Variants in GHSR observed in about 807,000 individuals in gnomAD.
The protein encoded by GHSR is growth hormone secretagogue receptor, also known as growth hormone secretagogue receptor type 1.
Under a neutral mutation model 24.0 loss-of-function variants are expected in GHSR, and 17 were observed. That is an observed-to-expected ratio of 0.71 (90% confidence interval 0.49 to 1.06). The LOEUF (loss-of-function observed/expected upper bound fraction) is 1.06, where lower values mean the gene tolerates loss of function less well. GHSR is among the 50% of genes least tolerant of loss of function. GHSR has a pLI of 0.00. For synonymous variants in GHSR, 238 were observed against 208.1 expected (o/e 1.14, Z -1.24); for missense variants, 504 against 483.1 (o/e 1.04, Z -0.41).
chr3:172,445,124 G>A lies in GHSR; in HGVS notation c.*37C>T, dbSNP rs769690274. 6.2e-7 allele frequency: 1 copy of A among 1,609,158 alleles called. No individual in the cohort carries two copies. The highest frequency in any genetic ancestry group is 8.5e-7 in the Non-Finnish European group (1 of 1,175,908). On this transcript the variant is annotated 3_prime_UTR_variant, in exon 2 of 2. Coordinates refer to ENST00000241256, the MANE Select transcript of GHSR (RefSeq NM_198407.2). ...CTGCTGTGCTATGTCTTCCGGTTTA[G>A]AGTAATAAGCGGTGACTGTACTCGC...
chr3:172,448,010 G>A lies in GHSR; in HGVS notation c.404C>T (p.Thr135Ile). 6.2e-7 allele frequency: 1 copy of A among 1,614,208 alleles called. No individual in the cohort carries two copies. The highest frequency in any genetic ancestry group is 8.5e-7 in the Non-Finnish European group (1 of 1,180,038). The stretch of plus-strand genomic sequence containing the variant: ...GAAGTAGCGCTCGACGCTCAGCGCT[G>A]TGATGGTGAGCACCGTGGCGTAGGT... ...SCTYATVLTI[T>I]ALSVERYFAI... Residue 135 changes from threonine to isoleucine, a missense_variant, in exon 1 of 2, where the codon ACA becomes ATA. Transcript: ENST00000241256. The surrounding 1 kb of genome is among the most constrained non-coding windows in gnomAD (Gnocchi z 4.8).
rs554362985 is a variant in GHSR at position 172,443,899 on chromosome 3, A to G, written c.*1262T>C. On this transcript the variant is annotated 3_prime_UTR_variant, in exon 2 of 2. Transcript: ENST00000241256. Reference sequence around the variant, plus strand: ...AGATTTTTGAAAGTTTTTAATATCAATAAGCAGTAGCATTTAGGGGATTCT... The same window carrying G: ...AGATTTTTGAAAGTTTTTAATATCAGTAAGCAGTAGCATTTAGGGGATTCT... Among the ~76,000 whole-genome samples the G allele has an allele frequency of 1.1e-4, 16 of 152,322 alleles. No individual in the cohort carries two copies. The South Asian group carries it at 2.5e-3, about 24-fold the overall frequency.
In GHSR at chr3:172,445,436, A is replaced by C; in HGVS notation, c.826T>G (p.Trp276Gly). The change falls in exon 2 of 2, where the codon TGG becomes GGG. Residue 276 changes from tryptophan (W) to glycine (G), a missense_variant. Transcript: ENST00000241256. Reference sequence around the variant, plus strand: ...TATCGCCCTACGTGGAAGGGGAGCCAGCAGAGGATGAAGGCAAACACCACT... The same window carrying C: ...TATCGCCCTACGTGGAAGGGGAGCCCGCAGAGGATGAAGGCAAACACCACT... Reference protein sequence around the residue: ...AVVVFAFILCWLPFHVGRYLF... With the variant: ...AVVVFAFILCGLPFHVGRYLF... The C allele has an allele frequency of 5.0e-6, 8 of 1,613,380 alleles. No individual in the cohort carries two copies. Among genetic ancestry groups the C allele is most frequent in the African/African-American group, 1.3e-5 (1 of 75,050 alleles).
rs144720427 is a variant in GHSR, at chr3:172,445,242, G to A, written c.1020C>T (p.Phe340=). The A allele has an allele frequency of 5.3e-5, 85 of 1,614,026 alleles. No individual in the cohort carries two copies. The highest frequency in any genetic ancestry group is 2.5e-4 in the South Asian group (23 of 91,056). ...AGAGCTTTCTCTGGGAGAAGGGTTC[G>A]AATCCCAGAAGTCTGAACACTGCCA... ...YRVAVFRLLG[F]EPFSQRKLST... is the part of the protein sequence containing the mutation. Residue 340 remains phenylalanine (F), a synonymous_variant, in exon 2 of 2, where the codon TTC becomes TTT. Coordinates refer to ENST00000241256, the MANE Select transcript of GHSR (RefSeq NM_198407.2).
chr3:172,447,011 G>T (rs1737476892), intron 1 of GHSR, among the ~76,000 whole-genome samples: 2 of 152,064 alleles, frequency 1.3e-5, no homozygotes, highest in Non-Finnish European at 2.9e-5. Context: ...AAAAATGCAG[G>T]GCAGAAAACA....
chr3:172,444,239 C>T lies in GHSR; in HGVS notation c.*922G>A, dbSNP rs1427448096. Among the ~76,000 whole-genome samples the T allele has an allele frequency of 6.6e-6, 1 of 152,160 alleles. No individual in the cohort carries two copies. Among genetic ancestry groups the T allele is most frequent in the Admixed American group, 6.5e-5 (1 of 15,278 alleles). On this transcript the variant is annotated 3_prime_UTR_variant, in exon 2 of 2. Transcript: ENST00000241256. ...GGTGTGATTTTTAGTATTCATCACTCTAAAATTCTGCTGTGTGAACATCAC... is the reference window on the plus strand; with the variant it reads ...GGTGTGATTTTTAGTATTCATCACTTTAAAATTCTGCTGTGTGAACATCAC...
chr3:172,448,023 C>G lies in GHSR; in HGVS notation c.391G>C (p.Val131Leu), dbSNP rs1737521748. 1 of 1,614,060 alleles carries G rather than the reference C, an allele frequency of 6.2e-7. No homozygotes were observed. Residue 131 changes from valine (V) to leucine (L), a missense_variant, in exon 1 of 2, where the codon GTG (valine) becomes CTG (leucine). By Grantham distance (32) the Val-to-Leu change is conservative (BLOSUM62 1). Coordinates refer to ENST00000241256, the MANE Select transcript of GHSR (RefSeq NM_198407.2). The surrounding 1 kb of genome is among the most constrained non-coding windows in gnomAD (Gnocchi z 4.8). Reference sequence around the variant, plus strand: ...ACGCTCAGCGCTGTGATGGTGAGCACCGTGGCGTAGGTGCAGCTCTCACTG... The same window carrying G: ...ACGCTCAGCGCTGTGATGGTGAGCAGCGTGGCGTAGGTGCAGCTCTCACTG... ...FVSESCTYAT[V>L]LTITALSVER...
In GHSR at chr3:172,444,422, T is replaced by C. The variant is rs917383800; in HGVS notation, c.*739A>G. Among the ~76,000 whole-genome samples, 1 of 152,232 alleles carries C rather than the reference T, an allele frequency of 6.6e-6. No homozygotes were observed. The highest frequency in any genetic ancestry group is 1.5e-5 in the Non-Finnish European group (1 of 68,026). The stretch of plus-strand genomic sequence containing the variant: ...CTAGTGCAACTGAAGAACTGAATTT[T>C]TAACTTTAATTAATTTTAAGTTTAA... On this transcript the variant is annotated 3_prime_UTR_variant, in exon 2 of 2. Coordinates refer to ENST00000241256, the MANE Select transcript of GHSR (RefSeq NM_198407.2).
At chr3:172,447,522 AG>A in intron 1 of GHSR, 95 bp downstream of exon 1, 3 of 1,555,496 alleles carry the variant, frequency 1.9e-6, no homozygotes, top group South Asian at 2.5e-5. Context: ...GTAGCGACTC[AG>A]GGGGAAATAG....
Position 172,447,623 on chromosome 3 carries a change from A to C in GHSR, c.791T>G (p.Met264Arg). Residue 264 changes from methionine to arginine, a missense_variant, in exon 1 of 2, where the codon ATG (methionine) becomes AGG (arginine). By Grantham distance (91) the Met-to-Arg change is moderately conservative. Coordinates refer to ENST00000241256, the MANE Select transcript of GHSR (RefSeq NM_198407.2). ...RDQNHKQTVK[M>R]LAVVVFAFIL... ...GAGCGCGCGCTGAGACCCACCCAGC[A>C]TTTTCACGGTTTGCTTGTGGTTCTG... is the stretch of plus-strand genomic sequence containing the variant. 6.2e-7 allele frequency: 1 copy of C among 1,613,856 alleles called. No individual in the cohort carries two copies. The highest frequency in any genetic ancestry group is 8.5e-7 in the Non-Finnish European group (1 of 1,179,914).
rs1290249012 is a variant in GHSR, at chr3:172,443,792, A to G, written c.*1369T>C. On this transcript the variant is annotated 3_prime_UTR_variant, in exon 2 of 2. Coordinates refer to ENST00000241256, the MANE Select transcript of GHSR (RefSeq NM_198407.2). ...TCTGGAAGTCCAAGTAATCATATCT[A>G]TCAGATAAGCAATGGGATATAAGCA... is the stretch of plus-strand genomic sequence containing the variant. 6.6e-6 allele frequency among the ~76,000 whole-genome samples: 1 copy of G among 152,192 alleles called. No individual in the cohort carries two copies. Among genetic ancestry groups the G allele is most frequent in the Non-Finnish European group, 1.5e-5 (1 of 68,012 alleles).
chr3:172,447,385 G>T (rs1419238544), intron 1 of GHSR: 29 of 348,856 alleles, frequency 8.3e-5, no homozygotes, highest in Non-Finnish European at 1.0e-4. Flanking sequence ...AGTAAAGGGG[G>T]AGGAGAGAGA....
At position 172,444,146 on chromosome 3, in the gene GHSR, T is replaced by C. The variant is rs1737402681; in HGVS notation, c.*1015A>G. Among the ~76,000 whole-genome samples the C allele has an allele frequency of 6.6e-6, 1 of 152,200 alleles. No homozygotes were observed. The highest frequency in any genetic ancestry group is 1.5e-5 in the Non-Finnish European group (1 of 67,998). ...TGAATATTAACACATGCAACTCAAC[T>C]TAATTTAAAAATGTATGTTACACAT... On this transcript the variant is annotated 3_prime_UTR_variant, in exon 2 of 2. Transcript: ENST00000241256.
In GHSR at chr3:172,444,810, G is replaced by T. The variant is rs1737419657; in HGVS notation, c.*351C>A. Reference sequence around the variant, plus strand: ...GTCATTCTTTTAACCAAATAATTTTGATCATTATGAAAAAGCAAAGCAAAT... The same window carrying T: ...GTCATTCTTTTAACCAAATAATTTTTATCATTATGAAAAAGCAAAGCAAAT... On this transcript the variant is annotated 3_prime_UTR_variant, in exon 2 of 2. Transcript: ENST00000241256. Among the ~76,000 whole-genome samples the T allele has an allele frequency of 6.6e-6, 1 of 152,004 alleles. No individual in the cohort carries two copies.
chr3:172,448,121 A>G lies in GHSR; in HGVS notation c.293T>C (p.Leu98Pro). 1 of 1,614,224 alleles carries G rather than the reference A, an allele frequency of 6.2e-7. No homozygotes were observed. ...GTACTGCCAGAGGCGAACGAGGTCCAGGGGCATGCAGAGGAAGATGAGCAG... is the reference window on the plus strand; with the variant it reads ...GTACTGCCAGAGGCGAACGAGGTCCGGGGGCATGCAGAGGAAGATGAGCAG... ...SDLLIFLCMPLDLVRLWQYRP... is the reference protein window; with the variant it reads ...SDLLIFLCMPPDLVRLWQYRP... The change falls in exon 1 of 2, where the codon CTG (leucine) becomes CCG (proline). Residue 98 changes from leucine to proline, a missense_variant. Coordinates refer to ENST00000241256, the MANE Select transcript of GHSR (RefSeq NM_198407.2). The surrounding 1 kb of genome is among the most constrained non-coding windows in gnomAD (Gnocchi z 4.8).
chr3:172,447,674 G>A lies in GHSR; in HGVS notation c.740C>T (p.Ala247Val). The change falls in exon 1 of 2, where the codon GCT (alanine) becomes GTT (valine). Residue 247 changes from alanine to valine, a missense_variant. Transcript: ENST00000241256. ...RKLWRRRRGD[A>V]VVGASLRDQN... The stretch of plus-strand genomic sequence containing the variant: ...GTCCCTGAGCGAGGCACCCACGACA[G>A]CATCGCCGCGCCTCCTCCGCCACAG... 6.2e-7 allele frequency: 1 copy of A among 1,614,104 alleles called. No homozygotes were observed. Among genetic ancestry groups the A allele is most frequent in the South Asian group, 1.1e-5 (1 of 91,074 alleles).
rs1275006873 is a variant in GHSR at position 172,448,314 on chromosome 3, G to A, written c.100C>T (p.Leu34=). 2.5e-6 allele frequency: 4 copies of A among 1,609,832 alleles called. No individual in the cohort carries two copies. The highest frequency in any genetic ancestry group is 2.2e-5 in the East Asian group (1 of 44,862). Residue 34 remains leucine, a synonymous_variant, in exon 1 of 2, where the codon CTG becomes TTG. Transcript: ENST00000241256. This position sits in a 1 kb window ranked among gnomAD's most constrained non-coding sequence, Gnocchi z 4.8. ...AGCGGCGCGGGGAAGAGCTGCAGCAGCTCGTCGCCCAGCGAGTCGTTGCCG... is the reference window on the plus strand; with the variant it reads ...AGCGGCGCGGGGAAGAGCTGCAGCAACTCGTCGCCCAGCGAGTCGTTGCCG... ...SPGNDSLGDE[L]LQLFPAPLLA...
rs763417542 is a variant in GHSR at position 172,447,765 on chromosome 3, A to G, written c.649T>C (p.Ser217Pro). Residue 217 changes from serine to proline, a missense_variant, in exon 1 of 2, where the codon TCC becomes CCC. By Grantham distance (74) the Ser-to-Pro change is moderately conservative. Transcript: ENST00000241256. ...ACAGGAAGGAAGAAGAAGATGCTGG[A>G]CACCCACACCATGACCGTGAGCAGT... The part of the protein sequence containing the change: ...SGLLTVMVWV[S>P]SIFFFLPVFC... 2 of 1,614,118 alleles carry G rather than the reference A, an allele frequency of 1.2e-6. No homozygotes were observed. Among genetic ancestry groups the G allele is most frequent in the Admixed American group, 1.7e-5 (1 of 60,016 alleles).
At chr3:172,447,324 C>T (rs1737486025) in intron 1 of GHSR, among the ~76,000 whole-genome samples, 1 of 151,588 alleles carries the variant, frequency 6.6e-6, no homozygotes, top group African/African-American at 2.4e-5. Flanking sequence ...AAAGGAGAGA[C>T]AGGAAGAAAG....
Sources: allele counts gnomAD v4.1 joint callset (sites outside exome capture counted in the v4.1 genomes callset), GRCh38; gene constraint gnomAD v4.1.1; non-coding constraint Gnocchi (gnomAD v3.1); transcripts MANE v1.5; gene names NCBI Gene and HGNC (gene_info 2026-07-23, HGNC 2026-07-21).